NALF1: variants seen among roughly 807,000 people sequenced by gnomAD.
NALF1 encodes the protein family with sequence similarity 155 member A.
NALF1 carries 3 observed loss-of-function variants against 48.4 expected under a neutral mutation model. The ratio of observed to expected loss-of-function variants is 0.06; its 90% CI spans 0.03 to 0.16. NALF1 has a LOEUF of 0.16. Ranked by LOEUF, NALF1 falls within the 10% of genes least tolerant of loss-of-function variation. The probability of loss-of-function intolerance (pLI) is 1.00; values close to 1 mark genes in which losing one functional copy is unlikely to be tolerated. For missense variants in NALF1, 526 were observed against 571.5 expected (o/e 0.92, Z 0.81); for synonymous variants, 262 against 245.7 (o/e 1.07, Z -0.62).
intron 1 of NALF1, among the ~76,000 whole-genome samples, chr13:107,763,989 C>G (rs1877348316): frequency 6.6e-6 from 1 of 152,122 alleles, no homozygotes; most frequent in African/African-American, 2.4e-5. Context: ...TTAGTTTGGT[C>G]TGAGAGCCTT....
At chr13:107,195,494 C>A (rs7330945) in intron 2 of NALF1, among the ~76,000 whole-genome samples, 2,035 of 152,230 alleles carry the variant, frequency 0.013, 48 homozygotes, top group African/African-American at 0.046. Context: ...CGCCTTTTCA[C>A]GTCTGTAAGT....
At chr13:107,825,706 T>G (rs1415281628) in intron 1 of NALF1, among the ~76,000 whole-genome samples, 1 of 152,252 alleles carries the variant, frequency 6.6e-6, no homozygotes. Flanking sequence ...AGAAACTTCA[T>G]AAACCTTTTA....
chr13:107,659,842 G>A (rs559556151), intron 1 of NALF1, among the ~76,000 whole-genome samples: 4 of 149,018 alleles, frequency 2.7e-5, no homozygotes, highest in East Asian at 2.0e-4. Flanking sequence ...ATGTAGTCTC[G>A]CTCTGTTGCC....
chr13:107,414,331 CCTAA>C (rs1164322694), intron 1 of NALF1, among the ~76,000 whole-genome samples: 1 of 150,970 alleles, frequency 6.6e-6, no homozygotes, highest in Non-Finnish European at 1.5e-5. Context: ...TCTTTCTTTC[CCTAA>C]CTCTCTCTCC....
chr13:107,314,894 C>A (rs1211329387), intron 1 of NALF1, among the ~76,000 whole-genome samples: 2 of 152,098 alleles, frequency 1.3e-5, no homozygotes, highest in African/African-American at 4.8e-5. Context: ...GAATCCAAGC[C>A]ATAAAGTTGT....
chr13:107,514,052 C>T (rs1034451191), intron 1 of NALF1, among the ~76,000 whole-genome samples: 1 of 152,202 alleles, frequency 6.6e-6, no homozygotes, highest in Non-Finnish European at 1.5e-5. Flanking sequence ...AGCAGCCGCT[C>T]CTAGAGACTC....
At chr13:107,212,734 T>G (rs1021723689) in intron 1 of NALF1, among the ~76,000 whole-genome samples, 1 of 152,218 alleles carries the variant, frequency 6.6e-6, no homozygotes. Flanking sequence ...GAATGAGCCA[T>G]GTATCCTCTG....
intron 1 of NALF1, among the ~76,000 whole-genome samples, chr13:107,373,141 A>G (rs112636052): frequency 0.027 from 4,174 of 152,308 alleles, 74 homozygotes; most frequent in South Asian, 0.041. Context: ...ACAGAGAACA[A>G]GGTTCTTACT....
intron 1 of NALF1, among the ~76,000 whole-genome samples, chr13:107,348,337 C>G (rs1278176356): frequency 6.6e-6 from 1 of 152,106 alleles, no homozygotes; most frequent in Non-Finnish European, 1.5e-5. Context: ...GTGTTACGTT[C>G]ACTCGGAAGT....
chr13:107,213,567 C>T (rs1879811870), intron 1 of NALF1, among the ~76,000 whole-genome samples: 2 of 152,172 alleles, frequency 1.3e-5, no homozygotes, highest in African/African-American at 2.4e-5. Context: ...ATCCGAAGGA[C>T]GGAGGAGAAA....
chr13:107,756,567 A>T (rs1459584273), intron 1 of NALF1, among the ~76,000 whole-genome samples: 1 of 152,036 alleles, frequency 6.6e-6, no homozygotes, highest in Non-Finnish European at 1.5e-5. Context: ...CAGCTTTCGT[A>T]TTGTTACGAC....
intron 1 of NALF1, among the ~76,000 whole-genome samples, chr13:107,251,776 T>C (rs1880705739): frequency 6.6e-6 from 1 of 152,206 alleles, no homozygotes; most frequent in African/African-American, 2.4e-5. Flanking sequence ...TATTACACAG[T>C]TGGATTTTGA....
chr13:107,387,174 C>T (rs1051459370), intron 1 of NALF1, among the ~76,000 whole-genome samples: 1 of 152,098 alleles, frequency 6.6e-6, no homozygotes, highest in African/African-American at 2.4e-5. Context: ...GAAATTTCGA[C>T]GGTCCTAATG....
At chr13:107,442,835 T>C (rs1884582744) in intron 1 of NALF1, among the ~76,000 whole-genome samples, 1 of 152,316 alleles carries the variant, frequency 6.6e-6, no homozygotes, top group Middle Eastern at 3.4e-3. Flanking sequence ...GGCATTGATA[T>C]AATGGTTAAA....
At chr13:107,251,945 T>C (rs1437233883) in intron 1 of NALF1, among the ~76,000 whole-genome samples, 1 of 152,138 alleles carries the variant, frequency 6.6e-6, no homozygotes, top group Non-Finnish European at 1.5e-5. Flanking sequence ...GAGAAGGGTG[T>C]CTGAGTCTGC....
At chr13:107,772,096 C>A (rs771183868) in intron 1 of NALF1, among the ~76,000 whole-genome samples, 1 of 151,978 alleles carries the variant, frequency 6.6e-6, no homozygotes, top group African/African-American at 2.4e-5. Context: ...GAAAATTAAT[C>A]CTCTATCACA....
chr13:107,659,056 TAAGTA>T (rs1275866877), intron 1 of NALF1, among the ~76,000 whole-genome samples: 1 of 151,688 alleles, frequency 6.6e-6, no homozygotes, highest in Non-Finnish European at 1.5e-5. Flanking sequence ...ATTTTCTTGT[TAAGTA>T]TTTTATTTGG....
chr13:107,783,482 G>T (rs1300329685), intron 1 of NALF1, among the ~76,000 whole-genome samples: 1 of 152,186 alleles, frequency 6.6e-6, no homozygotes, highest in Non-Finnish European at 1.5e-5. Context: ...GTAGAAAGAA[G>T]TAGACATGGG....
rs373443120 is a variant in NALF1 at position 107,814,052 on chromosome 13, T to A, written c.915+51630A>T. ...GAGTATTATCTTTTACCCTGCAAAC[T>A]GTGGAAAAGAAACATAAAAGGGAAA... On this transcript the variant is annotated intron_variant, in intron 1 of 2. Coordinates refer to ENST00000375915, the MANE Select transcript of NALF1 (RefSeq NM_001080396.3). Among the ~76,000 whole-genome samples, 7 of 152,188 alleles carry A rather than the reference T, an allele frequency of 4.6e-5. No individual in the cohort carries two copies. The East Asian group carries it at 1.4e-3, about 29-fold the overall frequency.
Sources: allele counts gnomAD v4.1 joint callset (sites outside exome capture counted in the v4.1 genomes callset), GRCh38; gene constraint gnomAD v4.1.1; transcripts MANE v1.5; gene names NCBI Gene and HGNC (gene_info 2026-07-23, HGNC 2026-07-21).